ROBO2: variants seen among roughly 807,000 people sequenced by gnomAD.
The protein encoded by ROBO2 is roundabout guidance receptor 2.
ROBO2 carries 53 observed loss-of-function variants against 160.8 expected under a neutral mutation model. The ratio of observed to expected loss-of-function variants is 0.33; its 90% CI spans 0.26 to 0.41. ROBO2 has a LOEUF of 0.41. Among genes scored for constraint, ROBO2 ranks in the 10% least tolerant of loss-of-function variants. The pLI, the probability that ROBO2 is intolerant of heterozygous loss-of-function variation, is 1.00. For missense variants in ROBO2, 1,577 were observed against 1,722.4 expected, an observed-to-expected ratio of 0.92 and a Z score of 1.49; for synonymous variants, 664 against 611.7, an observed-to-expected ratio of 1.09 and a Z score of -1.26.
intron 10 of ROBO2, 33 bp downstream of exon 11, chr3:77,562,765 GC>G (rs1187953698): frequency 1.4e-6 from 2 of 1,478,226 alleles, no homozygotes; most frequent in African/African-American, 2.8e-5. Flanking sequence ...GAAATCTTGG[GC>G]CCCTTTTCTG....
intron 1 of ROBO2, among the ~76,000 whole-genome samples, chr3:75,930,400 T>C (rs1279002312): frequency 2.0e-5 from 3 of 152,218 alleles, no homozygotes; most frequent in Non-Finnish European, 4.4e-5. Context: ...TCGTAGTTCA[T>C]TTTTAGCATT....
chr3:77,307,058 A>G (rs1006073295), intron 2 of ROBO2, among the ~76,000 whole-genome samples: 2 of 152,186 alleles, frequency 1.3e-5, no homozygotes, highest in African/African-American at 4.8e-5. Context: ...ATTTCACAGA[A>G]CAATTACAGC....
chr3:76,540,098 G>T (rs9844747), intron 2 of ROBO2, among the ~76,000 whole-genome samples: 3,393 of 151,954 alleles, frequency 0.022, 124 homozygotes, highest in African/African-American at 0.076. Context: ...TAACAGAGTT[G>T]AGTATGCATG....
At chr3:77,220,062 G>A (rs980989627) in intron 2 of ROBO2, among the ~76,000 whole-genome samples, 1 of 151,918 alleles carries the variant, frequency 6.6e-6, no homozygotes, top group East Asian at 1.9e-4. Flanking sequence ...CCAGGCTGGA[G>A]TGCAGTGGTG....
chr3:75,923,709 G>C (rs1353330616), intron 1 of ROBO2, among the ~76,000 whole-genome samples: 1 of 152,164 alleles, frequency 6.6e-6, no homozygotes, highest in African/African-American at 2.4e-5. Context: ...AAATAAATGA[G>C]TATATGCTTT....
chr3:77,590,896 T>G (rs1282866952), intron 17 of ROBO2, among the ~76,000 whole-genome samples: 2 of 152,086 alleles, frequency 1.3e-5, no homozygotes, highest in Non-Finnish European at 2.9e-5. Context: ...TTACAATTTT[T>G]TATTGTTATT....
chr3:76,290,958 A>C (rs1708772096), intron 2 of ROBO2, among the ~76,000 whole-genome samples: 1 of 152,006 alleles, frequency 6.6e-6, no homozygotes, highest in Non-Finnish European at 1.5e-5. Context: ...GTTTGCATTA[A>C]TACCTGTTTT....
intron 2 of ROBO2, among the ~76,000 whole-genome samples, chr3:76,541,692 A>G (rs767009355): frequency 6.6e-6 from 1 of 152,206 alleles, no homozygotes; most frequent in African/African-American, 2.4e-5. Flanking sequence ...AGGTGATTTC[A>G]GACCTGGTGT....
intron 2 of ROBO2, among the ~76,000 whole-genome samples, chr3:76,567,648 T>TAC (rs1236967419): frequency 2.3e-5 from 2 of 86,114 alleles, no homozygotes; most frequent in African/African-American, 9.3e-5. Context: ...TATATATATA[T>TAC]ATATACACAT....
chr3:77,098,202 C>G, exon 2 of ROBO2: 1 of 1,614,194 alleles, frequency 6.2e-7, no homozygotes, highest in Non-Finnish European at 8.5e-7. Flanking sequence ...CCACAGGATG[C>G]TTCTGCCCAG....
intron 2 of ROBO2, among the ~76,000 whole-genome samples, chr3:76,393,379 A>G (rs1183538056): frequency 2.0e-5 from 3 of 152,182 alleles, no homozygotes; most frequent in Admixed American, 6.6e-5. Flanking sequence ...ATCTTAATAA[A>G]TAAAATTTCA....
intron 2 of ROBO2, among the ~76,000 whole-genome samples, chr3:77,386,196 A>G (rs1424794553): frequency 6.6e-6 from 1 of 152,204 alleles, no homozygotes; most frequent in Non-Finnish European, 1.5e-5. Context: ...TTTACAAGTG[A>G]TAAAAATAGG....
chr3:76,156,233 C>A (rs1018774010), intron 2 of ROBO2, among the ~76,000 whole-genome samples: 14 of 151,962 alleles, frequency 9.2e-5, no homozygotes, highest in African/African-American at 2.7e-4. Flanking sequence ...GTAAGAGAAC[C>A]ATACACTGAA....
At chr3:76,141,168 T>TAC (rs2071647568) in intron 2 of ROBO2, among the ~76,000 whole-genome samples, 1 of 98,194 alleles carries the variant, frequency 1.0e-5, no homozygotes, top group Non-Finnish European at 2.1e-5. Flanking sequence ...TCTATATATA[T>TAC]ATATATATAT....
chr3:76,608,424 C>T (rs182958881), intron 2 of ROBO2, among the ~76,000 whole-genome samples: 2 of 152,288 alleles, frequency 1.3e-5, no homozygotes, highest in Admixed American at 1.3e-4. Flanking sequence ...TTGCCAATCT[C>T]TTTAGCCTCA....
chr3:76,377,659 C>T (rs1481697849), intron 2 of ROBO2, among the ~76,000 whole-genome samples: 1 of 152,148 alleles, frequency 6.6e-6, no homozygotes, highest in Non-Finnish European at 1.5e-5. Context: ...AAACTGAAGA[C>T]CAAAGTTCAT....
intron 2 of ROBO2, among the ~76,000 whole-genome samples, chr3:76,210,067 A>G (rs913921833): frequency 6.6e-6 from 1 of 152,160 alleles, no homozygotes; most frequent in Non-Finnish European, 1.5e-5. Flanking sequence ...GAGGAATAGC[A>G]TAAACCATTA....
chr3:76,729,512 G>A (rs1273582572), intron 2 of ROBO2, among the ~76,000 whole-genome samples: 2 of 152,006 alleles, frequency 1.3e-5, no homozygotes, highest in Non-Finnish European at 2.9e-5. Context: ...ATAAAACAAT[G>A]AAAGGAATTG....
chr3:77,079,942 C>G (rs2068456411), intron 1 of ROBO2, among the ~76,000 whole-genome samples: 1 of 152,182 alleles, frequency 6.6e-6, no homozygotes, highest in South Asian at 2.1e-4. Flanking sequence ...TAGGCAAACT[C>G]TTTTAATTCC....
Sources: allele counts gnomAD v4.1 joint callset (sites outside exome capture counted in the v4.1 genomes callset), GRCh38; gene constraint gnomAD v4.1.1; transcripts MANE v1.5; gene names NCBI Gene and HGNC (gene_info 2026-07-23, HGNC 2026-07-21).